RYR3: variants seen among roughly 807,000 people sequenced by gnomAD.
The protein encoded by RYR3 is brain ryanodine receptor-calcium release channel.
Under a neutral mutation model 584.3 loss-of-function variants are expected in RYR3, and 207 were observed. The observed-to-expected ratio is 0.35, with a 90% CI of 0.32 to 0.40. The LOEUF is 0.40. RYR3 is among the 10% of genes least tolerant of loss of function. The probability of loss-of-function intolerance (pLI) is 1.00; values close to 1 mark genes in which losing one functional copy is unlikely to be tolerated. For missense variants in RYR3, 5,616 were observed against 6,089.2 expected, an observed-to-expected ratio of 0.92 and a Z score of 2.59; for synonymous variants, 2,416 against 2,248.5, an observed-to-expected ratio of 1.07 and a Z score of -2.11.
At chr15:33,525,490 T>C (rs2054318722) in intron 3 of RYR3, among the ~76,000 whole-genome samples, 1 of 152,196 alleles carries the variant, frequency 6.6e-6, no homozygotes, top group South Asian at 2.1e-4. Flanking sequence ...TCAGTTAAAT[T>C]TAGGGGAATA....
At chr15:33,646,306 T>C in intron 28 of RYR3, 45 bp from the exon 29 acceptor site, 3 of 1,531,790 alleles carry the variant, frequency 2.0e-6, no homozygotes, top group South Asian at 1.3e-5. Context: ...TGGGTCAAGG[T>C]CAGGCCCTTT....
At chr15:33,428,558 C>T (rs754662106) in intron 1 of RYR3, among the ~76,000 whole-genome samples, 1 of 152,150 alleles carries the variant, frequency 6.6e-6, no homozygotes, top group African/African-American at 2.4e-5. Context: ...TAAATACCCA[C>T]GTGGAAACAA....
At chr15:33,324,073 A>G (rs1969369519) in intron 1 of RYR3, among the ~76,000 whole-genome samples, 2 of 152,148 alleles carry the variant, frequency 1.3e-5, no homozygotes, top group Admixed American at 6.5e-5. Flanking sequence ...CTTTATCACC[A>G]TATGACATGG....
intron 26 of RYR3, among the ~76,000 whole-genome samples, 197 bp downstream of exon 26, chr15:33,636,016 C>G (rs749821039): frequency 1.1e-4 from 16 of 152,168 alleles, no homozygotes; most frequent in Non-Finnish European, 2.1e-4. Context: ...GCACTGTACC[C>G]CAAATCCTTT....
chr15:33,813,427 A>G (rs1340703184), intron 73 of RYR3, 40 bp from the exon 74 acceptor site: 8 of 1,547,256 alleles, frequency 5.2e-6, no homozygotes, highest in Non-Finnish European at 7.1e-6. Flanking sequence ...CCACCAGAAG[A>G]TCAGCCTAAT....
At chr15:33,629,157 C>T (rs2061147379) in intron 21 of RYR3, among the ~76,000 whole-genome samples, 1 of 152,236 alleles carries the variant, frequency 6.6e-6, no homozygotes, top group Non-Finnish European at 1.5e-5. Context: ...AATATTTTCA[C>T]ATGAGGATGG....
At chr15:33,672,972 T>C (rs1384592924) in intron 38 of RYR3, among the ~76,000 whole-genome samples, 1 of 152,196 alleles carries the variant, frequency 6.6e-6, no homozygotes, top group Non-Finnish European at 1.5e-5. Flanking sequence ...GTCACCAACC[T>C]AAGGTACGTA....
intron 1 of RYR3, among the ~76,000 whole-genome samples, chr15:33,314,918 A>G (rs1345172428): frequency 8.2e-6 from 1 of 122,502 alleles, no homozygotes; most frequent in Non-Finnish European, 1.7e-5. Context: ...AGTCTCAAAG[A>G]AAACAAACAA....
intron 2 of RYR3, among the ~76,000 whole-genome samples, chr15:33,482,992 GC>G (rs1465945070): frequency 6.6e-6 from 1 of 151,902 alleles, no homozygotes; most frequent in Non-Finnish European, 1.5e-5. Flanking sequence ...CTATGCATCT[GC>G]CTGAATACTT....
At chr15:33,657,956 A>G (rs1236117065) in intron 32 of RYR3, among the ~76,000 whole-genome samples, 2 of 152,254 alleles carry the variant, frequency 1.3e-5, no homozygotes, top group African/African-American at 4.8e-5. Flanking sequence ...TCTTATGTCT[A>G]AATACATTGA....
intron 11 of RYR3, among the ~76,000 whole-genome samples, chr15:33,566,109 G>A (rs1477744549): frequency 6.6e-6 from 1 of 152,186 alleles, no homozygotes; most frequent in African/African-American, 2.4e-5. Flanking sequence ...ACAAAGGTCT[G>A]CTGATATCAG....
chr15:33,470,698 G>A (rs2048858707), intron 1 of RYR3, among the ~76,000 whole-genome samples: 1 of 152,154 alleles, frequency 6.6e-6, no homozygotes, highest in Admixed American at 6.5e-5. Context: ...AAAACAGGGT[G>A]GAAATCATTA....
chr15:33,647,901 G>T (rs1184661211), intron 30 of RYR3, among the ~76,000 whole-genome samples: 2 of 148,924 alleles, frequency 1.3e-5, no homozygotes, highest in South Asian at 2.1e-4. Flanking sequence ...CATCGCAGAA[G>T]ATGGAAGCTA....
At chr15:33,369,753 G>A (rs1186341739) in intron 1 of RYR3, among the ~76,000 whole-genome samples, 1 of 152,192 alleles carries the variant, frequency 6.6e-6, no homozygotes, top group Non-Finnish European at 1.5e-5. Flanking sequence ...CAGAGCATGG[G>A]CTGAAATATT....
intron 1 of RYR3, among the ~76,000 whole-genome samples, chr15:33,402,107 G>C (rs1348685444): frequency 6.6e-6 from 1 of 152,062 alleles, no homozygotes; most frequent in Non-Finnish European, 1.5e-5. Context: ...GTTGATTTGG[G>C]GGAAAGGAAA....
At chr15:33,720,514 G>A (rs1487202890) in intron 43 of RYR3, among the ~76,000 whole-genome samples, 1 of 152,184 alleles carries the variant, frequency 6.6e-6, no homozygotes. Context: ...TGCAGTGTGT[G>A]TATTCACACA....
chr15:33,435,728 C>T (rs2045649010), intron 1 of RYR3, among the ~76,000 whole-genome samples: 1 of 152,180 alleles, frequency 6.6e-6, no homozygotes, highest in Non-Finnish European at 1.5e-5. Flanking sequence ...GGTTCCTGGT[C>T]TCACTGACTT....
rs1388636079 is a variant in RYR3 at position 33,464,501 on chromosome 15, T to TACAC, written c.52-8917_52-8916insCACA. The stretch of plus-strand genomic sequence containing the variant: ...ATATATATATATATACACATATATA[T>TACAC]ATACATACACATACACATATATGTA... On this transcript the variant is annotated intron_variant, in intron 1 of 103. Transcript: ENST00000634891. Among the ~76,000 whole-genome samples, 590 of 100,078 alleles carry TACAC rather than the reference T, an allele frequency of 5.9e-3. 14 individuals are homozygous for TACAC. Among genetic ancestry groups the TACAC allele is most frequent in the Middle Eastern group, 0.011 (2 of 178 alleles). 65.7% of individuals were successfully genotyped at this position (100,078 alleles called of 152,430 possible). A position where few individuals can be genotyped will look rare whatever the true frequency, so the allele number is the denominator to read the frequency against.
chr15:33,474,231 T>G (rs2049173630), intron 2 of RYR3, among the ~76,000 whole-genome samples: 1 of 152,172 alleles, frequency 6.6e-6, no homozygotes, highest in African/African-American at 2.4e-5. Flanking sequence ...GTCAACTGGA[T>G]GCATGGATGG....
Sources: gnomAD v4.1 joint callset for allele counts (sites outside exome capture counted in the v4.1 genomes callset) on GRCh38, gnomAD v4.1.1 for gene constraint, MANE v1.5 for transcripts, NCBI Gene and HGNC (gene_info 2026-07-23, HGNC 2026-07-21) for gene names.